The following VAV3 variants were observed in gnomAD, a reference collection of about 807,000 sequenced individuals.
VAV3 encodes the protein guanine nucleotide exchange factor VAV3.
VAV3 carries 94 observed loss-of-function variants against 131.2 expected under a neutral mutation model. The observed-to-expected ratio is 0.72, with a 90% CI of 0.61 to 0.85. The LOEUF (loss-of-function observed/expected upper bound fraction) is 0.85. Among genes scored for constraint, VAV3 ranks in the 40% least tolerant of loss-of-function variants. The pLI, the probability that VAV3 is intolerant of heterozygous loss-of-function variation, is 0.00. For synonymous variants in VAV3, 349 were observed against 342.0 expected (o/e 1.02, Z -0.22); for missense variants, 939 against 1,002.7 (o/e 0.94, Z 0.86).
intron 2 of VAV3, among the ~76,000 whole-genome samples, chr1:107,793,026 G>T (rs528023754): frequency 6.6e-6 from 1 of 151,962 alleles, no homozygotes; most frequent in African/African-American, 2.4e-5. Context: ...CAAAAATGAC[G>T]ATAAATAAGT....
chr1:107,767,278 C>T (rs542528269), intron 7 of VAV3, among the ~76,000 whole-genome samples: 99 of 152,290 alleles, frequency 6.5e-4, no homozygotes, highest in African/African-American at 2.3e-3. Flanking sequence ...TTCAGTCAGG[C>T]AGTAAATACA....
At chr1:107,777,369 T>C (rs552741250) in intron 3 of VAV3, 73 bp from the exon 4 acceptor site, 6 of 1,351,850 alleles carry the variant, frequency 4.4e-6, no homozygotes, top group African/African-American at 1.4e-5. Flanking sequence ...GGCTGCGCAC[T>C]TAACCCTCAC....
intron 19 of VAV3, among the ~76,000 whole-genome samples, chr1:107,679,400 C>A (rs1455001829): frequency 6.6e-6 from 1 of 152,130 alleles, no homozygotes; most frequent in Non-Finnish European, 1.5e-5. Context: ...AACTTAAGAT[C>A]AGAAAGAGTG....
chr1:107,757,153 ATGTGTGTG>A (rs34437461), intron 11 of VAV3, 100 bp downstream of exon 11: 7,874 of 592,772 alleles, frequency 0.013, 44 homozygotes, highest in Middle Eastern at 0.047. Context: ...ATGTGTGTAT[ATGTGTGTG>A]TGTGTGTGTG....
In VAV3 at chr1:107,819,444, G is replaced by A. The variant is rs13375688; in HGVS notation, c.322-39952C>T. Among the ~76,000 whole-genome samples, 1,121 of 151,824 alleles carry A rather than the reference G, an allele frequency of 7.4e-3. 12 individuals carry two copies. Among genetic ancestry groups the A allele is most frequent in the African/African-American group, 0.026 (1,062 of 41,384 alleles). ...CCCAGCTACTTGGGAGGCTGAAGGT[G>A]GGAGAATTGCCTTGGGCCAGGAGTT... On this transcript the variant is annotated intron_variant, in intron 2 of 26. Coordinates refer to ENST00000370056, the MANE Select transcript of VAV3 (RefSeq NM_006113.5).
chr1:107,634,135 T>C (rs1654723485), intron 20 of VAV3, among the ~76,000 whole-genome samples: 1 of 152,108 alleles, frequency 6.6e-6, no homozygotes, highest in Non-Finnish European at 1.5e-5. Context: ...AAAGCTCATA[T>C]GGAACCAAAA....
At chr1:107,686,034 TGGGGGGGGA>T (rs1156957904) in intron 18 of VAV3, 5 of 85,086 alleles carry the variant, frequency 5.9e-5, no homozygotes, top group African/African-American at 1.9e-4. Context: ...GTTGGGGGGG[TGGGGGGGGA>T]GGGGGGGCAG....
At chr1:107,673,118 TAGAA>T (rs774651824) in intron 19 of VAV3, among the ~76,000 whole-genome samples, 2 of 152,174 alleles carry the variant, frequency 1.3e-5, no homozygotes, top group East Asian at 1.9e-4. Flanking sequence ...AAATAAAAAT[TAGAA>T]AGACTAATGT....
intron 1 of VAV3, among the ~76,000 whole-genome samples, chr1:107,893,431 G>T (rs538539102): frequency 5.9e-5 from 9 of 152,234 alleles, no homozygotes; most frequent in African/African-American, 1.9e-4. Context: ...TTTTCATGCT[G>T]CTGATAAAGA....
chr1:107,914,186 T>C (rs1488915002), intron 1 of VAV3, among the ~76,000 whole-genome samples: 3 of 152,202 alleles, frequency 2.0e-5, no homozygotes, highest in Non-Finnish European at 4.4e-5. Flanking sequence ...AAATGGCTAA[T>C]GAGTACAGAA....
intron 1 of VAV3, among the ~76,000 whole-genome samples, chr1:107,877,919 T>C (rs1370815728): frequency 6.6e-6 from 1 of 152,160 alleles, no homozygotes; most frequent in African/African-American, 2.4e-5. Flanking sequence ...TGTGTGGCTC[T>C]GTGCACATAT....
At chr1:107,583,133 T>C (rs1045076838) in intron 25 of VAV3, among the ~76,000 whole-genome samples, 1 of 152,158 alleles carries the variant, frequency 6.6e-6, no homozygotes, top group Admixed American at 6.5e-5. Flanking sequence ...TATCTCACTG[T>C]GGTTTTGATT....
intron 25 of VAV3, among the ~76,000 whole-genome samples, chr1:107,575,160 C>T (rs901867652): frequency 1.3e-5 from 2 of 152,170 alleles, no homozygotes; most frequent in Non-Finnish European, 2.9e-5. Context: ...TTTATATTAA[C>T]TTCTCTACCT....
chr1:107,753,173 T>A (rs1004972212), intron 12 of VAV3, among the ~76,000 whole-genome samples: 1 of 152,104 alleles, frequency 6.6e-6, no homozygotes, highest in Non-Finnish European at 1.5e-5. Flanking sequence ...GGATGAACTT[T>A]GAAGACATTA....
rs1674977549 is a variant in VAV3 at position 107,959,472 on chromosome 1, T to C, written c.204+5194A>G. ...GTCAAGGTCACCAAGGAAACTTATATTGTTTAAATCTTCTATCCTCAGTCC... is the reference window on the plus strand; with the variant it reads ...GTCAAGGTCACCAAGGAAACTTATACTGTTTAAATCTTCTATCCTCAGTCC... On this transcript the variant is annotated intron_variant, in intron 1 of 26. Coordinates refer to ENST00000370056, the MANE Select transcript of VAV3 (RefSeq NM_006113.5). Among the ~76,000 whole-genome samples the C allele has an allele frequency of 3.3e-5, 5 of 152,112 alleles. No individual in the cohort carries two copies. The South Asian group carries it at 1.0e-3, about 32-fold the overall frequency.
At chr1:107,922,723 C>T (rs546207571) in intron 1 of VAV3, among the ~76,000 whole-genome samples, 3 of 151,744 alleles carry the variant, frequency 2.0e-5, no homozygotes, top group South Asian at 4.2e-4. Context: ...GAGGCAGAGG[C>T]GGGCGGATCA....
intron 15 of VAV3, among the ~76,000 whole-genome samples, chr1:107,733,735 A>G (rs553630364): frequency 2.6e-5 from 4 of 152,246 alleles, no homozygotes; most frequent in Non-Finnish European, 5.9e-5. Flanking sequence ...GAAATATGGG[A>G]CTATGTGAAA....
chr1:107,865,135 G>C (rs1051424997), intron 2 of VAV3, among the ~76,000 whole-genome samples: 1 of 152,192 alleles, frequency 6.6e-6, no homozygotes, highest in Non-Finnish European at 1.5e-5. Context: ...CCTGCACACA[G>C]GTGGCTGGGG....
intron 19 of VAV3, among the ~76,000 whole-genome samples, chr1:107,657,405 T>C (rs1048865039): frequency 6.6e-6 from 1 of 152,220 alleles, no homozygotes; most frequent in African/African-American, 2.4e-5. Flanking sequence ...TTTTATTTTT[T>C]AAGAATTTCA....
Sources: gnomAD v4.1 joint callset for allele counts (sites outside exome capture counted in the v4.1 genomes callset) on GRCh38, gnomAD v4.1.1 for gene constraint, MANE v1.5 for transcripts, NCBI Gene and HGNC (gene_info 2026-07-23, HGNC 2026-07-21) for gene names.